The following GABBR2 variants were observed in gnomAD, a reference collection of about 807,000 sequenced individuals.
GABBR2 encodes the protein gamma-aminobutyric acid type B receptor subunit 2, also known as G-protein coupled receptor 51.
GABBR2 carries 23 observed loss-of-function variants against 105.6 expected under a neutral mutation model. The ratio of observed to expected loss-of-function variants is 0.22; its 90% CI spans 0.16 to 0.31. GABBR2 has a LOEUF of 0.31. Ranked by LOEUF, GABBR2 falls within the 10% of genes least tolerant of loss-of-function variation. The pLI is 1.00. For synonymous variants in GABBR2, 478 were observed against 499.7 expected, an observed-to-expected ratio of 0.96 and a Z score of 0.58; for missense variants, 734 against 1,245.5, an observed-to-expected ratio of 0.59 and a Z score of 6.18.
At chr9:98,708,372 C>T in intron 1 of GABBR2, 45 bp downstream of exon 1, 1 of 1,327,604 alleles carries the variant, frequency 7.5e-7, no homozygotes, top group Non-Finnish European at 9.7e-7. Flanking sequence ...CCACCCACCC[C>T]AATGCCCCCC....
intron 3 of GABBR2, among the ~76,000 whole-genome samples, chr9:98,512,205 C>G (rs1479500059): frequency 7.4e-6 from 1 of 134,328 alleles, no homozygotes; most frequent in South Asian, 2.6e-4. Flanking sequence ...CAAAATTCAA[C>G]AGCCCTTCAT....
intron 1 of GABBR2, among the ~76,000 whole-genome samples, chr9:98,683,623 C>T (rs1300236266): frequency 6.6e-6 from 1 of 151,994 alleles, no homozygotes; most frequent in Non-Finnish European, 1.5e-5. Flanking sequence ...TGGAGATGCG[C>T]ATCTATTTTG....
chr9:98,362,897 C>G, intron 12 of GABBR2, 60 bp from the exon 13 acceptor site: 1 of 1,420,946 alleles, frequency 7.0e-7, no homozygotes, highest in South Asian at 1.7e-5. Context: ...CACGCAGCAA[C>G]TGGGGGCCCA....
At chr9:98,571,361 T>C (rs1408396372) in intron 2 of GABBR2, among the ~76,000 whole-genome samples, 1 of 152,042 alleles carries the variant, frequency 6.6e-6, no homozygotes, top group Non-Finnish European at 1.5e-5. Context: ...CGCCTCCATG[T>C]CCTCTTTCCC....
intron 1 of GABBR2, among the ~76,000 whole-genome samples, chr9:98,640,709 A>C (rs1829948650): frequency 6.6e-6 from 1 of 152,146 alleles, no homozygotes; most frequent in South Asian, 2.1e-4. Context: ...GGAGGAGGGT[A>C]AGGCATCTTG....
At chr9:98,358,117 G>A (rs546149932) in intron 13 of GABBR2, among the ~76,000 whole-genome samples, 84 of 152,058 alleles carry the variant, frequency 5.5e-4, no homozygotes, top group Non-Finnish European at 1.1e-3. Context: ...TGTTCCTGTG[G>A]GCCATTTAGG....
chr9:98,696,191 T>C (rs936335929), intron 1 of GABBR2, among the ~76,000 whole-genome samples: 4 of 152,182 alleles, frequency 2.6e-5, no homozygotes, highest in Non-Finnish European at 5.9e-5. Context: ...ACACTTGATC[T>C]AGGATTTAAA....
rs16914720 is a variant in GABBR2 at position 98,304,016 on chromosome 9, C to T, written c.2230-593G>A. ...AAAAAGTTGCCACTTGACCCTTACCCGCTTATTCTAGAAACATCTCCGGTC... is the reference window on the plus strand; with the variant it reads ...AAAAAGTTGCCACTTGACCCTTACCTGCTTATTCTAGAAACATCTCCGGTC... On this transcript the variant is annotated intron_variant, in intron 15 of 18. Coordinates refer to ENST00000259455, the MANE Select transcript of GABBR2 (RefSeq NM_005458.8). 5.1e-3 allele frequency among the ~76,000 whole-genome samples: 782 copies of T among 152,320 alleles called. 9 individuals carry two copies. The highest frequency in any genetic ancestry group is 0.017 in the African/African-American group (700 of 41,562).
intron 1 of GABBR2, among the ~76,000 whole-genome samples, chr9:98,682,699 C>T (rs752356919): frequency 6.6e-6 from 1 of 151,858 alleles, no homozygotes; most frequent in Non-Finnish European, 1.5e-5. Context: ...AATCTTAATA[C>T]ATAAAGCAGT....
At chr9:98,690,042 G>A (rs1210022563) in intron 1 of GABBR2, among the ~76,000 whole-genome samples, 2 of 152,022 alleles carry the variant, frequency 1.3e-5, no homozygotes, top group Non-Finnish European at 1.5e-5. Flanking sequence ...CCCCATTATC[G>A]TTGCAACACT....
intron 13 of GABBR2, among the ~76,000 whole-genome samples, chr9:98,324,581 C>T (rs1830887538): frequency 6.6e-6 from 1 of 151,242 alleles, no homozygotes; most frequent in South Asian, 2.1e-4. Context: ...ATTTCATTTT[C>T]CTGTTGTCAT....
chr9:98,483,386 G>A (rs543264859), intron 4 of GABBR2, among the ~76,000 whole-genome samples: 1 of 152,004 alleles, frequency 6.6e-6, no homozygotes, highest in East Asian at 1.9e-4. Flanking sequence ...TCCACCCATC[G>A]CCACAGAGCA....
intron 1 of GABBR2, among the ~76,000 whole-genome samples, chr9:98,580,556 G>T (rs976662039): frequency 6.6e-6 from 1 of 152,200 alleles, no homozygotes; most frequent in Non-Finnish European, 1.5e-5. Flanking sequence ...GGGAGGCTGA[G>T]GCAGGCAGAT....
Position 98,488,021 on chromosome 9 carries a change from G to C in GABBR2, c.733-7024C>G, listed in dbSNP as rs1171912130. Among the ~76,000 whole-genome samples the C allele has an allele frequency of 2.0e-5, 3 of 152,234 alleles. No homozygotes were observed. The East Asian group carries it at 5.8e-4, about 29-fold the overall frequency. ...GAGGCAGAGACAGTGATACAGTGTG[G>C]GAAAGGCTCCACTGACTATGGCTCA... On this transcript the variant is annotated intron_variant, in intron 4 of 18. Coordinates refer to ENST00000259455, the MANE Select transcript of GABBR2 (RefSeq NM_005458.8).
chr9:98,463,571 A>T (rs1439695387), intron 6 of GABBR2, among the ~76,000 whole-genome samples: 1 of 146,576 alleles, frequency 6.8e-6, no homozygotes, highest in Non-Finnish European at 1.5e-5. Flanking sequence ...TTAGAAACAG[A>T]GCTCTCCCTC....
rs1261093828 is a variant in GABBR2, at chr9:98,290,512, G to A, written c.*72C>T. The A allele has an allele frequency of 5.4e-6, 6 of 1,106,258 alleles. No homozygotes were observed. The highest frequency in any genetic ancestry group is 4.2e-5 in the Admixed American group (1 of 24,018). The allele number at this position is 1,106,258 out of a possible 1,614,324, so 68.5% of individuals were successfully genotyped here. A position where few individuals can be genotyped will look rare whatever the true frequency, so the allele number is the denominator to read the frequency against. ...CTTCTCCGCAGCCAGAGCCGACAGTGTTTCTGCAGCAGACCCCTCTGCCCA... is the reference window on the plus strand; with the variant it reads ...CTTCTCCGCAGCCAGAGCCGACAGTATTTCTGCAGCAGACCCCTCTGCCCA... On this transcript the variant is annotated 3_prime_UTR_variant, in exon 19 of 19. Coordinates refer to ENST00000259455, the MANE Select transcript of GABBR2 (RefSeq NM_005458.8).
chr9:98,362,685 G>T, intron 13 of GABBR2, 30 bp downstream of exon 13: 1 of 1,476,186 alleles, frequency 6.8e-7, no homozygotes, highest in South Asian at 1.5e-5. Flanking sequence ...GCATCTGCAG[G>T]CTTCCCTCCT....
intron 13 of GABBR2, among the ~76,000 whole-genome samples, chr9:98,340,197 T>G (rs114154153): frequency 0.12 from 17,798 of 151,408 alleles, 1,189 homozygotes; most frequent in African/African-American, 0.16. Context: ...TTTTTTTTTT[T>G]TTGTTACTAC....
At position 98,677,903 on chromosome 9, in the gene GABBR2, G is replaced by A. The variant is rs186198535; in HGVS notation, c.321+30514C>T. Among the ~76,000 whole-genome samples the A allele has an allele frequency of 9.9e-4, 151 of 152,152 alleles. 1 individual carries two copies. Among genetic ancestry groups the A allele is most frequent in the African/African-American group, 3.3e-3 (139 of 41,512 alleles). ...AGTTTCAAACAGAAATCACTCACCC[G>A]TAAATATTAGGGCCTGACTGTCCTT... On this transcript the variant is annotated intron_variant, in intron 1 of 18. Coordinates refer to ENST00000259455, the MANE Select transcript of GABBR2 (RefSeq NM_005458.8).
Sources: gnomAD v4.1 joint callset for allele counts (sites outside exome capture counted in the v4.1 genomes callset) on GRCh38, gnomAD v4.1.1 for gene constraint, MANE v1.5 for transcripts, NCBI Gene and HGNC (gene_info 2026-07-23, HGNC 2026-07-21) for gene names.